P2RX7: variants seen among roughly 807,000 people sequenced by gnomAD.
The protein encoded by P2RX7 is P2X purinoceptor 7.
P2RX7 carries 62 observed loss-of-function variants against 71.6 expected under a neutral mutation model. The observed-to-expected ratio is 0.87, with a 90% CI of 0.71 to 1.07. The LOEUF (loss-of-function observed/expected upper bound fraction) is 1.07, where lower values mean the gene tolerates loss of function less well. Among genes scored for constraint, P2RX7 ranks in the 50% least tolerant of loss-of-function variants. The probability of loss-of-function intolerance (pLI) is 0.00; values close to 1 mark genes in which losing one functional copy is unlikely to be tolerated. For synonymous variants in P2RX7, 299 were observed against 283.3 expected, an observed-to-expected ratio of 1.06 and a Z score of -0.56; for missense variants, 686 against 748.5, an observed-to-expected ratio of 0.92 and a Z score of 0.97.
chr12:121,163,587 AGATAGACAGGTAGATAGATAGATAGATAG>A (rs775245477), intron 5 of P2RX7, among the ~76,000 whole-genome samples: 41,253 of 144,276 alleles, frequency 0.29, 5,933 homozygotes, highest in East Asian at 0.43. Context: ...GATAATAGAT[AGATAGACAGGTAGATAGATAGATAGATAG>A]ATAGATAGAT....
Position 121,154,808 on chromosome 12 carries a change from T to G in P2RX7, c.149T>G (p.Leu50Arg), listed in dbSNP as rs1878219962. 6.2e-7 allele frequency: 1 copy of G among 1,613,790 alleles called. No homozygotes were observed. Among genetic ancestry groups the G allele is most frequent in the African/African-American group, 1.3e-5 (1 of 74,924 alleles). ...AGCTTTGCTCTGGTGAGTGACAAGC[T>G]GTACCAGCGGAAAGAGCCTGTCATC... is the stretch of plus-strand genomic sequence containing the variant. ...YVCFALVSDK[L>R]YQRKEPVISS... The change falls in exon 2 of 13, where the codon CTG becomes CGG. Residue 50 changes from leucine (L) to arginine (R), a missense_variant. Coordinates refer to ENST00000328963, the MANE Select transcript of P2RX7 (RefSeq NM_002562.6). The surrounding 1 kb of genome is among the most constrained non-coding windows in gnomAD (Gnocchi z 4.2).
intron 1 of P2RX7, among the ~76,000 whole-genome samples, chr12:121,139,843 TC>T (rs1450463358): frequency 6.6e-6 from 1 of 151,390 alleles, no homozygotes; most frequent in Non-Finnish European, 1.5e-5. Flanking sequence ...CATGCGATTC[TC>T]CTGCCTCAGC....
chr12:121,152,803 C>T (rs1012102436), intron 1 of P2RX7, among the ~76,000 whole-genome samples: 2 of 152,222 alleles, frequency 1.3e-5, no homozygotes, highest in African/African-American at 2.4e-5. Context: ...CAGGCGTGAG[C>T]CACTGTGCCT....
chr12:121,151,316 C>T (rs191014858), intron 1 of P2RX7, among the ~76,000 whole-genome samples: 6 of 151,786 alleles, frequency 4.0e-5, no homozygotes, highest in East Asian at 3.9e-4. Context: ...GGCGCCATCT[C>T]GGCTCACTGC....
chr12:121,157,141 T>C (rs1402598249), intron 3 of P2RX7, among the ~76,000 whole-genome samples: 1 of 152,178 alleles, frequency 6.6e-6, no homozygotes, highest in African/African-American at 2.4e-5. Context: ...GCCTCCCCTC[T>C]CAGGTAACGT....
Position 121,165,416 on chromosome 12 carries a change from TC to T in P2RX7, c.597del (p.Gly200AlafsTer13). On this transcript the variant is annotated frameshift_variant, in exon 6 of 13. Coordinates refer to ENST00000328963, the MANE Select transcript of P2RX7 (RefSeq NM_002562.6). LOFTEE classifies it high-confidence loss of function. Reference protein sequence around the residue: ...FTVLIKNNIDFPGHNYTTRNI... With the variant: ...FTVLIKNNIDXPGHNYTTRNI... ...GTGCTCATCAAGAACAATATCGACT[TC>T]CCCGGCCACAACTACACCACGTAAG... 6.2e-7 allele frequency: 1 copy of T among 1,613,854 alleles called. No individual in the cohort carries two copies. The highest frequency in any genetic ancestry group is 8.5e-7 in the Non-Finnish European group (1 of 1,179,918).
intron 3 of P2RX7, 47 bp from the exon 4 acceptor site, chr12:121,160,855 G>A: frequency 2.2e-6 from 3 of 1,378,342 alleles, no homozygotes; most frequent in Non-Finnish European, 3.1e-6. Context: ...CCACGTCTTA[G>A]TAACACACGT....
chr12:121,184,311 G>A lies in P2RX7; in HGVS notation c.1297G>A (p.Ala433Thr). Residue 433 changes from alanine (A) to threonine (T), a missense_variant, in exon 13 of 13, where the codon GCG becomes ACG. Coordinates refer to ENST00000328963, the MANE Select transcript of P2RX7 (RefSeq NM_002562.6). The part of the protein sequence containing the change: ...DVKGQEVPRP[A>T]MDFTDLSRLP... ...TGGAAACTTGCTTTTTCAGAGACCT[G>A]CGATGGACTTCACAGATTTGTCCAG... 1 of 1,600,958 alleles carries A rather than the reference G, an allele frequency of 6.2e-7. No homozygotes were observed. The highest frequency in any genetic ancestry group is 8.5e-7 in the Non-Finnish European group (1 of 1,172,010).
chr12:121,141,138 G>A (rs1038045458), intron 1 of P2RX7, among the ~76,000 whole-genome samples: 1 of 152,146 alleles, frequency 6.6e-6, no homozygotes, highest in African/African-American at 2.4e-5. Flanking sequence ...TAAAACACCT[G>A]CCTACTACCA....
chr12:121,161,110 C>T, intron 4 of P2RX7, 136 bp downstream of exon 4: 3 of 747,124 alleles, frequency 4.0e-6, no homozygotes, highest in Admixed American at 3.7e-5. Context: ...ATAGGCGAGT[C>T]TGCCCATGCT....
chr12:121,133,283 G>A (rs1478098629), intron 1 of P2RX7, among the ~76,000 whole-genome samples, 188 bp downstream of exon 1: 4 of 152,222 alleles, frequency 2.6e-5, no homozygotes, highest in African/African-American at 9.6e-5. Context: ...GGCTGCAGCA[G>A]AGAGAAGCCA....
chr12:121,158,564 C>A (rs1472214853), intron 3 of P2RX7, among the ~76,000 whole-genome samples: 16 of 152,222 alleles, frequency 1.1e-4, no homozygotes, highest in Admixed American at 1.0e-3. Context: ...CAACAGCATT[C>A]CTTCTGCTGC....
chr12:121,166,863 G>A (rs1194799245), intron 7 of P2RX7, among the ~76,000 whole-genome samples: 1 of 145,630 alleles, frequency 6.9e-6, no homozygotes. Context: ...CCAACATGGT[G>A]AAAGCCCATC....
rs550843498 is a variant in P2RX7 at position 121,136,150 on chromosome 12, G to T, written c.125+3055G>T. Among the ~76,000 whole-genome samples the T allele has an allele frequency of 2.1e-5, 3 of 142,756 alleles. No individual in the cohort carries two copies. In the East Asian group the frequency reaches 6.1e-4, roughly 29 times the overall value. The allele number at this position is 142,756 out of a possible 152,430, so 93.7% of individuals were successfully genotyped here. On this transcript the variant is annotated intron_variant, in intron 1 of 12. Coordinates refer to ENST00000328963, the MANE Select transcript of P2RX7 (RefSeq NM_002562.6). The stretch of plus-strand genomic sequence containing the variant: ...ATGTATTTTATATATTTATATATAT[G>T]TGCTGAAATCTAAAATAAGACATAT...
At chr12:121,134,126 T>C (rs1367775192) in intron 1 of P2RX7, among the ~76,000 whole-genome samples, 1 of 152,240 alleles carries the variant, frequency 6.6e-6, no homozygotes, top group African/African-American at 2.4e-5. Context: ...TGTTTCTCTT[T>C]TTTGGCTATC....
Position 121,185,995 on chromosome 12 carries a change from A to C in P2RX7, c.*1193A>C, listed in dbSNP as rs1382238687. The C allele has an allele frequency of 1.3e-5, 2 of 151,232 alleles. No homozygotes were observed. Among genetic ancestry groups the C allele is most frequent in the Non-Finnish European group, 2.9e-5 (2 of 68,064 alleles). 9.4% of individuals were successfully genotyped at this position (151,232 alleles called of 1,614,324 possible). A position where few individuals can be genotyped will look rare whatever the true frequency, so the allele number is the denominator to read the frequency against. ...CTTGAACCTGGGAGGTGGAGGTTGC[A>C]TTGAGCTGAGATCGTGCCACTGCAC... On this transcript the variant is annotated 3_prime_UTR_variant, in exon 13 of 13. Transcript: ENST00000328963.
chr12:121,142,761 C>A (rs1030719137), intron 1 of P2RX7, among the ~76,000 whole-genome samples: 4 of 152,110 alleles, frequency 2.6e-5, no homozygotes, highest in Non-Finnish European at 5.9e-5. Flanking sequence ...TCAGGGCCCA[C>A]CTGGATGACA....
At chr12:121,162,569 T>G (rs201415110) in intron 5 of P2RX7, 49 bp downstream of exon 5, 4 of 1,599,892 alleles carry the variant, frequency 2.5e-6, no homozygotes, top group Non-Finnish European at 3.4e-6. Context: ...GGCGACCAGA[T>G]GAGGCCTTGC....
At chr12:121,138,229 C>T (rs983030821) in intron 1 of P2RX7, among the ~76,000 whole-genome samples, 1 of 152,256 alleles carries the variant, frequency 6.6e-6, no homozygotes, top group Admixed American at 6.5e-5. Context: ...CAAACTGTGT[C>T]ATCAGGACGG....
Sources: allele counts gnomAD v4.1 joint callset (sites outside exome capture counted in the v4.1 genomes callset), GRCh38; gene constraint gnomAD v4.1.1; non-coding constraint Gnocchi (gnomAD v3.1); transcripts MANE v1.5; gene names NCBI Gene and HGNC (gene_info 2026-07-23, HGNC 2026-07-21).